The following RBFOX1 variants were observed in gnomAD, a reference collection of about 807,000 sequenced individuals.
RBFOX1 encodes the protein RNA binding protein fox-1 homolog 1.
In RBFOX1, 8 loss-of-function variants were observed where a neutral mutation model predicts 57.7. That is an observed-to-expected ratio of 0.14 (90% confidence interval 0.08 to 0.25). The LOEUF (loss-of-function observed/expected upper bound fraction) is 0.25, where lower values mean the gene tolerates loss of function less well. RBFOX1 is among the 10% of genes least tolerant of loss of function. RBFOX1 has a pLI of 1.00. For synonymous variants in RBFOX1, 326 were observed against 222.4 expected, an observed-to-expected ratio of 1.47 and a Z score of -4.15; for missense variants, 611 against 548.5, an observed-to-expected ratio of 1.11 and a Z score of -1.14.
intron 1 of RBFOX1, among the ~76,000 whole-genome samples, chr16:6,021,299 C>T (rs929880843): frequency 6.6e-6 from 1 of 152,134 alleles, no homozygotes; most frequent in East Asian, 1.9e-4. Context: ...CCTTCCCTGC[C>T]CCCTGTCCTA....
rs1491494424 is a variant in RBFOX1, at chr16:6,727,064, CAG to C, written c.-16+72416_-16+72417del. ...TATTTGGACTGAACACACACACACA[CAG>C]ACACAGAGAGAGACACACAAAACAC... is the stretch of plus-strand genomic sequence containing the variant. On this transcript the variant is annotated intron_variant, in intron 3 of 15. Transcript: ENST00000550418. 6.0e-4 allele frequency among the ~76,000 whole-genome samples: 82 copies of C among 136,280 alleles called. 2 individuals carry two copies. The highest frequency in any genetic ancestry group is 1.9e-3 in the African/African-American group (71 of 37,208). 89.4% of individuals were successfully genotyped at this position (136,280 alleles called of 152,430 possible).
At chr16:7,404,751 C>G (rs1488964315) in intron 4 of RBFOX1, among the ~76,000 whole-genome samples, 2 of 152,182 alleles carry the variant, frequency 1.3e-5, no homozygotes, top group African/African-American at 2.4e-5. Context: ...TTTTAATTAT[C>G]TGATTCCTTG....
intron 3 of RBFOX1, among the ~76,000 whole-genome samples, chr16:6,720,752 G>C (rs961059050): frequency 7.9e-5 from 12 of 152,306 alleles, no homozygotes; most frequent in African/African-American, 2.6e-4. Context: ...CTTCATTTCT[G>C]AGTGTGCCAC....
chr16:5,641,009 A>G (rs2048850965), intron 3 of RBFOX1, among the ~76,000 whole-genome samples: 1 of 151,646 alleles, frequency 6.6e-6, no homozygotes, highest in Non-Finnish European at 1.5e-5. Flanking sequence ...ATGCACACAC[A>G]TACATGCACA....
At chr16:6,961,550 G>A (rs530231023) in intron 3 of RBFOX1, among the ~76,000 whole-genome samples, 6 of 152,312 alleles carry the variant, frequency 3.9e-5, no homozygotes, top group South Asian at 2.1e-4. Flanking sequence ...TTAGACGAGC[G>A]AAGAAACAAA....
rs116948231 is a variant in RBFOX1 at position 6,184,967 on chromosome 16, G to A, written c.-126-132028G>A. ...GTTCAGGGAAAGAGAGAGAGAAGAA[G>A]GAAGAGGAATTGCAGGTTTACACTT... is the stretch of plus-strand genomic sequence containing the variant. On this transcript the variant is annotated intron_variant, in intron 1 of 15. Coordinates refer to ENST00000550418, the MANE Select transcript of RBFOX1 (RefSeq NM_018723.4). Among the ~76,000 whole-genome samples, 97 of 152,308 alleles carry A rather than the reference G, an allele frequency of 6.4e-4. No individual in the cohort carries two copies. In the East Asian group the frequency reaches 0.013, roughly 21 times the overall value.
At chr16:6,776,327 T>C (rs1392339026) in intron 3 of RBFOX1, among the ~76,000 whole-genome samples, 2 of 151,866 alleles carry the variant, frequency 1.3e-5, no homozygotes, top group East Asian at 3.9e-4. Flanking sequence ...AGGAGAATGG[T>C]GTGAACCCAG....
chr16:5,433,245 T>C (rs545134), intron 1 of RBFOX1, among the ~76,000 whole-genome samples: 91,323 of 151,990 alleles, frequency 0.6, 27,777 homozygotes, highest in African/African-American at 0.68. Context: ...CAGGAGGAGT[T>C]TGTGGACATC....
At chr16:7,045,067 G>A (rs2047441143) in intron 3 of RBFOX1, among the ~76,000 whole-genome samples, 1 of 152,170 alleles carries the variant, frequency 6.6e-6, no homozygotes, top group Non-Finnish European at 1.5e-5. Context: ...CACGGAAGAT[G>A]TGAGGAAAGC....
chr16:5,451,408 T>C (rs2068422582), intron 1 of RBFOX1, among the ~76,000 whole-genome samples: 1 of 152,138 alleles, frequency 6.6e-6, no homozygotes, highest in African/African-American at 2.4e-5. Context: ...GTCAGATTTA[T>C]ATGAGAATTT....
intron 4 of RBFOX1, among the ~76,000 whole-genome samples, chr16:7,302,891 G>A (rs1011215149): frequency 2.0e-5 from 3 of 152,044 alleles, no homozygotes; most frequent in Admixed American, 2.0e-4. Context: ...GGGGAGGGGA[G>A]ACCCGTTTGC....
chr16:7,105,918 T>C (rs1027961889), intron 4 of RBFOX1, among the ~76,000 whole-genome samples: 8 of 152,206 alleles, frequency 5.3e-5, no homozygotes, highest in African/African-American at 1.9e-4. Flanking sequence ...ACGTAGACAA[T>C]AGATGCTAAG....
intron 3 of RBFOX1, among the ~76,000 whole-genome samples, chr16:5,741,546 A>C (rs2052769029): frequency 6.6e-6 from 1 of 152,204 alleles, no homozygotes; most frequent in Non-Finnish European, 1.5e-5. Context: ...AGTTGGTATG[A>C]TTTTTAATCA....
intron 3 of RBFOX1, among the ~76,000 whole-genome samples, chr16:5,834,686 G>GATA (rs1437282814): frequency 4.0e-5 from 4 of 99,078 alleles, no homozygotes; most frequent in South Asian, 7.4e-4. Flanking sequence ...GAATGGGATA[G>GATA]GTAGATAGAT....
chr16:7,531,415 G>T (rs77568704), intron 5 of RBFOX1, among the ~76,000 whole-genome samples: 1 of 152,268 alleles, frequency 6.6e-6, no homozygotes, highest in Non-Finnish European at 1.5e-5. Context: ...AATTTTTACA[G>T]CATCCAGAAG....
chr16:6,715,568 G>A (rs1363480367), intron 3 of RBFOX1, among the ~76,000 whole-genome samples: 2 of 152,104 alleles, frequency 1.3e-5, no homozygotes, highest in Non-Finnish European at 1.5e-5. Context: ...CTCCCGAAGA[G>A]TCTTAAGAGC....
chr16:7,640,504 A>G (rs1283017258), intron 11 of RBFOX1, among the ~76,000 whole-genome samples: 1 of 152,234 alleles, frequency 6.6e-6, no homozygotes, highest in Non-Finnish European at 1.5e-5. Context: ...CATATGACAG[A>G]TAAGGAGTCA....
chr16:6,626,257 C>T (rs985106025), intron 2 of RBFOX1, among the ~76,000 whole-genome samples: 8 of 151,926 alleles, frequency 5.3e-5, no homozygotes, highest in South Asian at 4.2e-4. Flanking sequence ...AAATGTTGCC[C>T]GGGTGTCCTT....
chr16:5,844,241 C>G (rs2056695296), intron 3 of RBFOX1, among the ~76,000 whole-genome samples: 1 of 152,194 alleles, frequency 6.6e-6, no homozygotes, highest in Admixed American at 6.5e-5. Flanking sequence ...ACCAACCTGA[C>G]TTAGAAATCT....
Sources: allele counts gnomAD v4.1 joint callset (sites outside exome capture counted in the v4.1 genomes callset), GRCh38; gene constraint gnomAD v4.1.1; transcripts MANE v1.5; gene names NCBI Gene and HGNC (gene_info 2026-07-23, HGNC 2026-07-21).